The following MAML2 variants were observed in gnomAD, a reference collection of about 807,000 sequenced individuals.
The protein encoded by MAML2 is mastermind like transcriptional coactivator 2.
MAML2 carries 22 observed loss-of-function variants against 96.1 expected under a neutral mutation model. The observed-to-expected ratio is 0.23, with a 90% CI of 0.16 to 0.33. The LOEUF (loss-of-function observed/expected upper bound fraction) is 0.33. MAML2 is among the 10% of genes least tolerant of loss of function. MAML2 has a pLI of 1.00. For missense variants in MAML2, 1,367 were observed against 1,392.4 expected, an observed-to-expected ratio of 0.98 and a Z score of 0.29; for synonymous variants, 561 against 521.3, an observed-to-expected ratio of 1.08 and a Z score of -1.04.
At chr11:96,244,197 C>T (rs1035388284) in intron 1 of MAML2, among the ~76,000 whole-genome samples, 1 of 152,234 alleles carries the variant, frequency 6.6e-6, no homozygotes. Flanking sequence ...GCCTCAGTGT[C>T]TCCCTGGAGG....
At chr11:96,123,799 C>T (rs576113537) in intron 1 of MAML2, among the ~76,000 whole-genome samples, 1 of 152,210 alleles carries the variant, frequency 6.6e-6, no homozygotes, top group East Asian at 1.9e-4. Context: ...ACCCGGCCGG[C>T]ATGGTGGCTC....
At chr11:96,230,820 G>T (rs142410280) in intron 1 of MAML2, among the ~76,000 whole-genome samples, 4 of 152,186 alleles carry the variant, frequency 2.6e-5, no homozygotes, top group Non-Finnish European at 5.9e-5. Context: ...CACTTGTCTC[G>T]CTAATTAAAA....
At chr11:96,280,883 G>A (rs1208120799) in intron 1 of MAML2, among the ~76,000 whole-genome samples, 2 of 152,278 alleles carry the variant, frequency 1.3e-5, no homozygotes, top group Admixed American at 1.3e-4. Flanking sequence ...TAAGCTCCCA[G>A]AGGGGTAGGT....
Position 96,341,718 on chromosome 11 carries a change from G to T in MAML2, c.178C>A (p.Arg60=). The change falls in exon 1 of 5, where the codon CGA becomes AGA. Residue 60 remains arginine, a synonymous_variant. Coordinates refer to ENST00000524717, the MANE Select transcript of MAML2 (RefSeq NM_032427.4). The part of the protein sequence containing the change: ...HHLSCEGRYE[R]GRAESSDRER... Reference sequence around the variant, plus strand: ...CGGTCTGAGCTCTCGGCCCTACCTCGTTCATATCGTCCTTCACAGCTCAGG... The same window carrying T: ...CGGTCTGAGCTCTCGGCCCTACCTCTTTCATATCGTCCTTCACAGCTCAGG... The T allele has an allele frequency of 1.2e-6, 2 of 1,612,492 alleles. No individual in the cohort carries two copies. Among genetic ancestry groups the T allele is most frequent in the Non-Finnish European group, 1.7e-6 (2 of 1,179,364 alleles).
intron 1 of MAML2, among the ~76,000 whole-genome samples, chr11:96,324,153 G>A (rs981441838): frequency 7.9e-5 from 12 of 152,152 alleles, no homozygotes; most frequent in South Asian, 2.1e-4. Context: ...TACGAGGTGC[G>A]AAGTCATGAT....
chr11:96,065,905 A>G (rs1468886698), intron 2 of MAML2, among the ~76,000 whole-genome samples: 2 of 152,118 alleles, frequency 1.3e-5, no homozygotes, highest in African/African-American at 4.8e-5. Flanking sequence ...CCAGCATTCC[A>G]CCTGCTCTTG....
chr11:96,073,731 T>C (rs1440457418), intron 2 of MAML2, among the ~76,000 whole-genome samples: 1 of 152,178 alleles, frequency 6.6e-6, no homozygotes, highest in Non-Finnish European at 1.5e-5. Flanking sequence ...AGCCGAGTGC[T>C]GTAAAATATT....
At chr11:96,114,262 T>C (rs2135836257) in intron 1 of MAML2, among the ~76,000 whole-genome samples, 1 of 152,352 alleles carries the variant, frequency 6.6e-6, no homozygotes, top group Non-Finnish European at 1.5e-5. Context: ...CATTCCTTGA[T>C]GGTTCAGACT....
intron 2 of MAML2, among the ~76,000 whole-genome samples, chr11:96,084,418 G>C (rs1212850747): frequency 6.6e-6 from 1 of 152,160 alleles, no homozygotes; most frequent in South Asian, 2.1e-4. Context: ...CAGGAACAAT[G>C]GTCAGAAGCT....
intron 1 of MAML2, among the ~76,000 whole-genome samples, chr11:96,274,077 CTTT>C (rs992096555): frequency 2.2e-5 from 2 of 91,794 alleles, no homozygotes; most frequent in Non-Finnish European, 4.2e-5. Context: ...TTTCCTTTTC[CTTT>C]TTTTTTTTTT....
chr11:96,186,881 A>G (rs1354995056), intron 1 of MAML2, among the ~76,000 whole-genome samples: 1 of 152,220 alleles, frequency 6.6e-6, no homozygotes, highest in Admixed American at 6.5e-5. Context: ...GAAGCTTTTT[A>G]CACAGAGGCT....
intron 2 of MAML2, among the ~76,000 whole-genome samples, chr11:96,041,128 C>T (rs1343917664): frequency 6.6e-6 from 1 of 152,002 alleles, no homozygotes; most frequent in Non-Finnish European, 1.5e-5. Flanking sequence ...TATGAACATT[C>T]TGAACACATG....
Position 96,063,688 on chromosome 11 carries a change from TA to T in MAML2, c.2139+28203del, listed in dbSNP as rs1461473956. ...AGCTCCAAATGAGCTGAGGGATGCT[TA>T]CTCCAAAGCCTATGGCTTTTTATGG... On this transcript the variant is annotated intron_variant, in intron 2 of 4. Transcript: ENST00000524717. Among the ~76,000 whole-genome samples, 4 of 152,332 alleles carry T rather than the reference TA, an allele frequency of 2.6e-5. No individual in the cohort carries two copies. The East Asian group carries it at 7.7e-4, about 29-fold the overall frequency.
At chr11:96,217,242 G>T (rs1010472136) in intron 1 of MAML2, among the ~76,000 whole-genome samples, 6 of 152,184 alleles carry the variant, frequency 3.9e-5, no homozygotes, top group African/African-American at 1.4e-4. Flanking sequence ...CCTTGCAAAT[G>T]CAGTGAAGGA....
At position 96,092,510 on chromosome 11, in the gene MAML2, C is replaced by G; in HGVS notation, c.1521G>C (p.Ser507=). The change falls in exon 2 of 5, where the codon TCG becomes TCC. Residue 507 remains serine, a synonymous_variant. Transcript: ENST00000524717. This position sits in a 1 kb window ranked among gnomAD's most constrained non-coding sequence, Gnocchi z 4.1. ...MPGVAGGSGQ[S]KVMANYMYKA... ...TGTACATGTAGTTAGCCATTACTTTCGACTGGCCGCTGCCGCCAGCTACCC... is the reference window on the plus strand; with the variant it reads ...TGTACATGTAGTTAGCCATTACTTTGGACTGGCCGCTGCCGCCAGCTACCC... 6.3e-7 allele frequency: 1 copy of G among 1,596,042 alleles called. No homozygotes were observed.
intron 2 of MAML2, among the ~76,000 whole-genome samples, chr11:96,018,753 T>G (rs1015293445): frequency 2.6e-5 from 4 of 152,246 alleles, no homozygotes; most frequent in Admixed American, 2.0e-4. Flanking sequence ...CCTGCCACCA[T>G]GACTGGCTAA....
At chr11:96,239,483 T>A (rs1403297114) in intron 1 of MAML2, among the ~76,000 whole-genome samples, 1 of 152,250 alleles carries the variant, frequency 6.6e-6, no homozygotes, top group Non-Finnish European at 1.5e-5. Flanking sequence ...GTTCAGAGTT[T>A]GAGTTGTCCT....
At chr11:96,225,634 C>A (rs1306554530) in intron 1 of MAML2, among the ~76,000 whole-genome samples, 3 of 152,076 alleles carry the variant, frequency 2.0e-5, no homozygotes, top group African/African-American at 7.2e-5. Flanking sequence ...AAGTTCAAGA[C>A]CAGCCTGAGC....
intron 1 of MAML2, among the ~76,000 whole-genome samples, chr11:96,115,684 T>C (rs1273725388): frequency 6.6e-6 from 1 of 152,032 alleles, no homozygotes; most frequent in Non-Finnish European, 1.5e-5. Context: ...TGACAATCAA[T>C]GAATACATAA....
Sources: allele counts gnomAD v4.1 joint callset (sites outside exome capture counted in the v4.1 genomes callset), GRCh38; gene constraint gnomAD v4.1.1; non-coding constraint Gnocchi (gnomAD v3.1); transcripts MANE v1.5; gene names NCBI Gene and HGNC (gene_info 2026-07-23, HGNC 2026-07-21).